PCSK6: variants seen among roughly 807,000 people sequenced by gnomAD.
PCSK6 encodes the protein paired basic amino acid cleaving enzyme 4.
Under a neutral mutation model 123.3 loss-of-function variants are expected in PCSK6, and 85 were observed. That is an observed-to-expected ratio of 0.69 (90% CI 0.58 to 0.83). The LOEUF (loss-of-function observed/expected upper bound fraction) is 0.83. PCSK6 is among the 40% of genes least tolerant of loss of function. The pLI is 0.00. For synonymous variants in PCSK6, 508 were observed against 516.0 expected (o/e 0.98, Z 0.21); for missense variants, 1,191 against 1,282.3 (o/e 0.93, Z 1.09).
At chr15:101,376,142 G>A (rs2955958) in intron 11 of PCSK6, among the ~76,000 whole-genome samples, 44,195 of 151,966 alleles carry the variant, frequency 0.29, 6,745 homozygotes, top group Admixed American at 0.42. Flanking sequence ...ACCCAGGCTG[G>A]GGTGCAGTGG....
At chr15:101,327,272 G>A (rs932207520) in intron 15 of PCSK6, among the ~76,000 whole-genome samples, 2 of 152,216 alleles carry the variant, frequency 1.3e-5, no homozygotes, top group African/African-American at 4.8e-5. Context: ...CTGCAGGCGA[G>A]CTGAGTAGAC....
chr15:101,382,652 C>CT (rs573949984), intron 10 of PCSK6, among the ~76,000 whole-genome samples: 35 of 152,282 alleles, frequency 2.3e-4, no homozygotes, highest in Non-Finnish European at 4.4e-4. Flanking sequence ...CTGTACTCAT[C>CT]TTTTTTGCCA....
Position 101,428,355 on chromosome 15 carries a change from C to T in PCSK6, c.735-375G>A, listed in dbSNP as rs114179888. Among the ~76,000 whole-genome samples, 682 of 152,314 alleles carry T rather than the reference C, an allele frequency of 4.5e-3. 10 individuals carry two copies. Among genetic ancestry groups the T allele is most frequent in the African/African-American group, 0.015 (637 of 41,568 alleles). On this transcript the variant is annotated intron_variant, in intron 5 of 21. Transcript: ENST00000611716. ...GTGTAGGGTGGGTGCTGCGCCACCT[C>T]GGCCTCGTGTCTCCTGTGGCTGGCA... is the stretch of plus-strand genomic sequence containing the variant.
intron 6 of PCSK6, among the ~76,000 whole-genome samples, chr15:101,406,339 A>G (rs1237645783): frequency 6.6e-6 from 1 of 152,158 alleles, no homozygotes; most frequent in Non-Finnish European, 1.5e-5. Context: ...TTGAGAAGTA[A>G]TGTATTTTGC....
intron 1 of PCSK6, among the ~76,000 whole-genome samples, chr15:101,460,263 G>A: frequency 6.6e-6 from 1 of 152,062 alleles, no homozygotes; most frequent in South Asian, 2.1e-4. Flanking sequence ...TCTTTCCCAG[G>A]GCCTCTGGTC....
In PCSK6 at chr15:101,393,349, C is replaced by T. The variant is rs761780850; in HGVS notation, c.1072G>A (p.Asp358Asn). 1.4e-5 allele frequency: 23 copies of T among 1,609,238 alleles called. No homozygotes were observed. The highest frequency in any genetic ancestry group is 1.7e-5 in the Admixed American group (1 of 59,300). Residue 358 changes from aspartate (D) to asparagine (N), a missense_variant, in exon 8 of 22, where the codon GAT (aspartate) becomes AAT (asparagine). Asp to Asn is a conservative substitution (Grantham distance 23, BLOSUM62 1). Transcript: ENST00000611716. ...GTGTAGATGCTGTTGGTGTAGCCAT[C>T]GCACGAGCAGTAGTCCCCCTCTCTC... ...GGREGDYCSCDGYTNSIYTIS... is the reference protein window; with the variant it reads ...GGREGDYCSCNGYTNSIYTIS...
chr15:101,313,416 G>T lies in PCSK6; in HGVS notation c.2659C>A (p.Pro887Thr). The change falls in exon 20 of 22, where the codon CCA (proline) becomes ACA (threonine). Residue 887 changes from proline to threonine, a missense_variant. Physicochemically the swap from Pro to Thr is conservative, Grantham distance 38 (BLOSUM62 -1). Coordinates refer to ENST00000611716, the MANE Select transcript of PCSK6 (RefSeq NM_002570.5). ...CVPACGEGFY[P>T]EEMPGLPHKV... is the part of the protein sequence containing the mutation. ...TGGGGCAAGCCCGGCATCTCTTCTG[G>T]GTAGAAGCCCTCACCACAGGCTGGC... 2 of 1,612,682 alleles carry T rather than the reference G, an allele frequency of 1.2e-6. No homozygotes were observed. The highest frequency in any genetic ancestry group is 8.5e-7 in the Non-Finnish European group (1 of 1,179,844).
chr15:101,422,875 C>T (rs2056130512), intron 6 of PCSK6, among the ~76,000 whole-genome samples: 1 of 152,230 alleles, frequency 6.6e-6, no homozygotes, highest in African/African-American at 2.4e-5. Context: ...CCCGCCTCAG[C>T]CTCCCACAGT....
intron 7 of PCSK6, among the ~76,000 whole-genome samples, chr15:101,395,031 C>T (rs1311864945): frequency 6.6e-6 from 1 of 152,196 alleles, no homozygotes; most frequent in Non-Finnish European, 1.5e-5. Flanking sequence ...GGAAGAGATT[C>T]AGCTGAAGCC....
At chr15:101,409,410 C>G (rs2042875217) in intron 6 of PCSK6, among the ~76,000 whole-genome samples, 1 of 152,070 alleles carries the variant, frequency 6.6e-6, no homozygotes, top group South Asian at 2.1e-4. Context: ...ACAGTGAAAC[C>G]CCGTCTCTAC....
At chr15:101,479,706 G>A (rs1292955182) in intron 1 of PCSK6, among the ~76,000 whole-genome samples, 1 of 152,198 alleles carries the variant, frequency 6.6e-6, no homozygotes, top group African/African-American at 2.4e-5. Flanking sequence ...CCTTCTACTA[G>A]ACAGGGAACA....
At chr15:101,405,513 C>G (rs1198886283) in intron 6 of PCSK6, among the ~76,000 whole-genome samples, 1 of 152,196 alleles carries the variant, frequency 6.6e-6, no homozygotes, top group African/African-American at 2.4e-5. Context: ...CCAATCCCCC[C>G]ACTGACAATT....
At chr15:101,337,782 G>A (rs2040514720) in intron 13 of PCSK6, among the ~76,000 whole-genome samples, 1 of 152,174 alleles carries the variant, frequency 6.6e-6, no homozygotes, top group South Asian at 2.1e-4. Context: ...CACACAGTAG[G>A]TACTCAATAA....
chr15:101,438,055 A>G (rs1045939069), intron 2 of PCSK6, among the ~76,000 whole-genome samples: 1 of 152,186 alleles, frequency 6.6e-6, no homozygotes, highest in Admixed American at 6.5e-5. Flanking sequence ...GTGAGGATCA[A>G]GAGACCTCAG....
intron 1 of PCSK6, among the ~76,000 whole-genome samples, chr15:101,452,757 A>G (rs1821346296): frequency 6.6e-6 from 1 of 152,188 alleles, no homozygotes; most frequent in South Asian, 2.1e-4. Context: ...GGTTACCCAC[A>G]GAGCACAGAT....
At chr15:101,457,718 C>T (rs998885660) in intron 1 of PCSK6, among the ~76,000 whole-genome samples, 6 of 152,140 alleles carry the variant, frequency 3.9e-5, no homozygotes, top group Non-Finnish European at 2.9e-5. Flanking sequence ...AGAGGGGAGC[C>T]GAGGAGCTGT....
chr15:101,346,570 G>T, intron 13 of PCSK6: 1 of 335,074 alleles, frequency 3.0e-6, no homozygotes, highest in East Asian at 4.6e-5. Flanking sequence ...TCAAATGTTC[G>T]AAAATCAAAC....
Position 101,331,868 on chromosome 15 carries a change from A to C in PCSK6, c.2022T>G (p.Asp674Glu). The change falls in exon 14 of 22, where the codon GAT becomes GAG. Residue 674 changes from aspartate to glutamate, a missense_variant. Coordinates refer to ENST00000611716, the MANE Select transcript of PCSK6 (RefSeq NM_002570.5). Reference protein sequence around the residue: ...LSPSQVEVPEDEEDYTAQSTP... With the variant: ...LSPSQVEVPEEEEDYTAQSTP... ...GCTCATTACCTGTGTAATCTTCCTC[A>C]TCTTCAGGAACTTCCACCTGGGAGG... 1 of 1,612,902 alleles carries C rather than the reference A, an allele frequency of 6.2e-7. No homozygotes were observed. Among genetic ancestry groups the C allele is most frequent in the Non-Finnish European group, 8.5e-7 (1 of 1,179,180 alleles).
At chr15:101,323,368 C>T (rs9806256) in intron 17 of PCSK6, among the ~76,000 whole-genome samples, 116,868 of 152,128 alleles carry the variant, frequency 0.77, 45,057 homozygotes, top group African/African-American at 0.82. Context: ...AAAGGTCTGG[C>T]TGGCAGCCCA....
Sources: gnomAD v4.1 joint callset for allele counts (sites outside exome capture counted in the v4.1 genomes callset) on GRCh38, gnomAD v4.1.1 for gene constraint, MANE v1.5 for transcripts, NCBI Gene and HGNC (gene_info 2026-07-23, HGNC 2026-07-21) for gene names.